The following MR1 variants were observed in gnomAD, a reference collection of about 807,000 sequenced individuals.
MR1 encodes the protein major histocompatibility complex, class I-related, also known as major histocompatibility complex class I-related protein 1.
In MR1, 44 loss-of-function variants were observed where a neutral mutation model predicts 37.8. The ratio of observed to expected loss-of-function variants is 1.16; its 90% CI spans 0.91 to 1.50. MR1 has a LOEUF of 1.50. Among genes scored for constraint, MR1 ranks in the 40% most tolerant of loss-of-function variants. The pLI, the probability that MR1 is intolerant of heterozygous loss-of-function variation, is 0.00. For synonymous variants in MR1, 153 were observed against 155.8 expected, an observed-to-expected ratio of 0.98 and a Z score of 0.13; for missense variants, 386 against 419.1, an observed-to-expected ratio of 0.92 and a Z score of 0.69.
chr1:181,038,357 G>C (rs1044445552), intron 1 of MR1, among the ~76,000 whole-genome samples: 2 of 152,142 alleles, frequency 1.3e-5, no homozygotes, highest in Non-Finnish European at 2.9e-5. Flanking sequence ...GTGTCCAAAG[G>C]TCCCCTTAAC....
intron 1 of MR1, among the ~76,000 whole-genome samples, chr1:181,039,435 A>G (rs1657440484): frequency 6.6e-6 from 1 of 152,052 alleles, no homozygotes; most frequent in Admixed American, 6.6e-5. Context: ...TGTGTGGTGG[A>G]ATTCATTTAT....
chr1:181,039,424 G>A (rs764070999), intron 1 of MR1, among the ~76,000 whole-genome samples: 17 of 152,278 alleles, frequency 1.1e-4, no homozygotes, highest in Non-Finnish European at 2.2e-4. Context: ...GCTTGTTGCC[G>A]TGTGTGGTGG....
At chr1:181,047,081 A>G (rs971835439) in intron 1 of MR1, among the ~76,000 whole-genome samples, 10 of 152,136 alleles carry the variant, frequency 6.6e-5, no homozygotes, top group African/African-American at 2.4e-4. Context: ...ACCACCACCC[A>G]TAATGCCACC....
In MR1 at chr1:181,049,252, G is replaced by A; in HGVS notation, c.268G>A (p.Gly90Ser). The change falls in exon 2 of 6, where the codon GGC becomes AGC. Residue 90 changes from glycine to serine, a missense_variant. Transcript: ENST00000367580. ...GGAGAGGTACACTCAGCTGCTGAGG[G>A]GCTGGCAGCAGATGTTCAAGGTGGA... is the stretch of plus-strand genomic sequence containing the variant. Reference protein sequence around the residue: ...HWERYTQLLRGWQQMFKVELK... With the variant: ...HWERYTQLLRSWQQMFKVELK... 1 of 1,614,150 alleles carries A rather than the reference G, an allele frequency of 6.2e-7. No individual in the cohort carries two copies. The highest frequency in any genetic ancestry group is 8.5e-7 in the Non-Finnish European group (1 of 1,180,016).
At position 181,057,473 on chromosome 1, in the gene MR1, T is replaced by C. The variant is rs555821059; in HGVS notation, c.*2208T>C. The C allele has an allele frequency of 2.0e-5, 3 of 152,308 alleles. No homozygotes were observed. Among genetic ancestry groups the C allele is most frequent in the South Asian group, 4.1e-4 (2 of 4,828 alleles). 9.4% of individuals were successfully genotyped at this position (152,308 alleles called of 1,614,324 possible). ...ATATTTACATAGACACAGGTGATAA[T>C]GTATCTATGTAAATGCCTTTTGATT... On this transcript the variant is annotated 3_prime_UTR_variant, in exon 6 of 6. Transcript: ENST00000367580.
At position 181,050,025 on chromosome 1, in the gene MR1, C is replaced by T; in HGVS notation, c.343C>T (p.Gln115Ter). 6.2e-7 allele frequency: 1 copy of T among 1,612,564 alleles called. No individual in the cohort carries two copies. The highest frequency in any genetic ancestry group is 1.1e-5 in the South Asian group (1 of 90,990). ...HYNHSGSHTYQRMIGCELLED... is the reference protein window; with the variant it reads ...HYNHSGSHTY ...GTGTGTTCCAGGGTCTCACACTTAC[C>T]AGAGAATGATTGGCTGTGAGCTGCT... The change falls in exon 3 of 6, where the codon CAG becomes TAG. Residue 115 changes from glutamine (Q) to a stop codon, truncating the protein, a stop_gained. Transcript: ENST00000367580. LOFTEE classifies it high-confidence loss of function.
chr1:181,046,556 A>T (rs141060718), intron 1 of MR1, among the ~76,000 whole-genome samples: 1 of 152,152 alleles, frequency 6.6e-6, no homozygotes. Flanking sequence ...TAAACGCACC[A>T]ATCAGTGCCC....
At chr1:181,036,592 A>G (rs924775678) in intron 1 of MR1, among the ~76,000 whole-genome samples, 1 of 152,192 alleles carries the variant, frequency 6.6e-6, no homozygotes, top group East Asian at 1.9e-4. Flanking sequence ...AAATGTCAAC[A>G]TAACTCCAAT....
chr1:181,047,102 T>A (rs1657927175), intron 1 of MR1, among the ~76,000 whole-genome samples: 1 of 152,044 alleles, frequency 6.6e-6, no homozygotes, highest in Non-Finnish European at 1.5e-5. Context: ...TTGAAACCAC[T>A]TTGTCTCCGT....
intron 1 of MR1, among the ~76,000 whole-genome samples, chr1:181,044,164 C>T (rs113804355): frequency 0.01 from 1,570 of 151,800 alleles, 24 homozygotes; most frequent in African/African-American, 0.036. Context: ...GGGGTTTCAC[C>T]ATGTTAGCCA....
rs1319017441 is a variant in MR1 at position 181,060,057 on chromosome 1, G to C, written c.*4792G>C. The C allele has an allele frequency of 6.6e-6, 1 of 152,204 alleles. No individual in the cohort carries two copies. The highest frequency in any genetic ancestry group is 6.5e-5 in the Admixed American group (1 of 15,280). 9.4% of individuals were successfully genotyped at this position (152,204 alleles called of 1,614,324 possible). On this transcript the variant is annotated 3_prime_UTR_variant, in exon 6 of 6. Transcript: ENST00000367580. ...TATTGTTTCACAGTTCTGGAGGCCA[G>C]AAGTTCAAAATGAAGTGTTGGCAGA...
chr1:181,050,845 T>C (rs1658272191), intron 3 of MR1: 1 of 158,902 alleles, frequency 6.3e-6, no homozygotes, highest in Admixed American at 5.9e-5. Flanking sequence ...AAAAATTAGC[T>C]GAGCATGGTG....
intron 1 of MR1, among the ~76,000 whole-genome samples, chr1:181,048,715 A>G (rs1658080659): frequency 6.6e-6 from 1 of 152,098 alleles, no homozygotes; most frequent in Non-Finnish European, 1.5e-5. Context: ...CCGCAGGGAC[A>G]GCTCCCCCTG....
intron 1 of MR1, among the ~76,000 whole-genome samples, chr1:181,044,040 T>C (rs1463722556): frequency 6.8e-6 from 1 of 146,752 alleles, no homozygotes; most frequent in African/African-American, 2.5e-5. Flanking sequence ...CTTGGCTCAC[T>C]GCAAGCTCCG....
intron 4 of MR1, among the ~76,000 whole-genome samples, chr1:181,053,081 C>A (rs1201096022): frequency 6.6e-6 from 1 of 151,042 alleles, no homozygotes; most frequent in Non-Finnish European, 1.5e-5. Context: ...AACAAAAAAA[C>A]AAAAAACAAA....
At chr1:181,040,525 G>C (rs1657500796) in intron 1 of MR1, among the ~76,000 whole-genome samples, 1 of 152,074 alleles carries the variant, frequency 6.6e-6, no homozygotes, top group Non-Finnish European at 1.5e-5. Context: ...CATTTTAAAG[G>C]CCCAGCTAAG....
intron 1 of MR1, among the ~76,000 whole-genome samples, chr1:181,047,207 C>T (rs1051759989): frequency 2.0e-5 from 3 of 152,046 alleles, no homozygotes; most frequent in African/African-American, 7.2e-5. Context: ...TTACTTTTAA[C>T]CCTTATTACA....
chr1:181,037,777 G>A (rs1308004572), intron 1 of MR1, among the ~76,000 whole-genome samples: 1 of 152,088 alleles, frequency 6.6e-6, no homozygotes, highest in Non-Finnish European at 1.5e-5. Context: ...ATAAAATCGG[G>A]ATTTTCTGGG....
intron 1 of MR1, among the ~76,000 whole-genome samples, chr1:181,036,330 T>A (rs887140241): frequency 6.6e-6 from 1 of 152,188 alleles, no homozygotes; most frequent in African/African-American, 2.4e-5. Flanking sequence ...ACCATATCTC[T>A]GCAAGGAGTC....
Sources: gnomAD v4.1 joint callset for allele counts (sites outside exome capture counted in the v4.1 genomes callset) on GRCh38, gnomAD v4.1.1 for gene constraint, MANE v1.5 for transcripts, NCBI Gene and HGNC (gene_info 2026-07-23, HGNC 2026-07-21) for gene names.